The following ASIC2 variants were observed in gnomAD, a reference collection of about 807,000 sequenced individuals.
ASIC2 encodes acid-sensing ion channel 2.
A neutral mutation model predicts 57.3 loss-of-function variants in ASIC2; 25 were observed. That is an observed-to-expected ratio of 0.44 (90% CI 0.32 to 0.61). The LOEUF (loss-of-function observed/expected upper bound fraction) is 0.61. Among genes scored for constraint, ASIC2 ranks in the 20% least tolerant of loss-of-function variants. ASIC2 has a pLI of 0.06. For synonymous variants in ASIC2, 319 were observed against 307.5 expected (o/e 1.04, Z -0.39); for missense variants, 641 against 738.1 (o/e 0.87, Z 1.52).
rs188652616 is a variant in ASIC2 at position 33,813,000 on chromosome 17, T to A, written c.555+342978A>T. On this transcript the variant is annotated intron_variant, in intron 1 of 9. Coordinates refer to the ASIC2 transcript ENST00000359872. ...GTCCATTTTTTGGCTCAGGGTGAGC[T>A]GCTGATATCCTCATCTGGTGCCAGG... Among the ~76,000 whole-genome samples the A allele has an allele frequency of 5.2e-3, 786 of 152,278 alleles. 1 individual carries two copies. Among genetic ancestry groups the A allele is most frequent in the Non-Finnish European group, 7.9e-3 (537 of 68,008 alleles).
rs1025249235 is a variant in ASIC2, at chr17:33,562,541, G to T, written c.556-450474C>A. 2.0e-5 allele frequency among the ~76,000 whole-genome samples: 3 copies of T among 152,280 alleles called. No individual in the cohort carries two copies. In the South Asian group the frequency reaches 6.2e-4, roughly 32 times the overall value. ...CAGTGTAGGACGTGACATGCTACCT[G>T]TCCTGGAGGGCCACCACCAGGAGAG... is the stretch of plus-strand genomic sequence containing the variant. On this transcript the variant is annotated intron_variant, in intron 1 of 9. Transcript: ENST00000359872.
At chr17:33,593,775 A>T (rs552316472) in intron 1 of ASIC2, among the ~76,000 whole-genome samples, 1 of 152,352 alleles carries the variant, frequency 6.6e-6, no homozygotes, top group African/African-American at 2.4e-5. Context: ...AGTGAGAAAG[A>T]ACAAGCCTCA....
chr17:33,715,077 A>G (rs551134469), intron 1 of ASIC2, among the ~76,000 whole-genome samples: 2 of 151,552 alleles, frequency 1.3e-5, no homozygotes, highest in Admixed American at 1.3e-4. Flanking sequence ...ACAGCTCACT[A>G]CAACCTCAAA....
At chr17:33,182,295 AC>A (rs1349078033) in intron 1 of ASIC2, among the ~76,000 whole-genome samples, 1 of 152,076 alleles carries the variant, frequency 6.6e-6, no homozygotes, top group Non-Finnish European at 1.5e-5. Context: ...AAAATTTTTG[AC>A]CTGAGCACCT....
intron 1 of ASIC2, among the ~76,000 whole-genome samples, chr17:34,073,650 TCCTAGAAA>T (rs1909511903): frequency 6.6e-6 from 1 of 152,216 alleles, no homozygotes; most frequent in Non-Finnish European, 1.5e-5. Flanking sequence ...TGGGAAGGAA[TCCTAGAAA>T]CCTAGAAAGA....
intron 1 of ASIC2, among the ~76,000 whole-genome samples, chr17:33,180,353 G>T (rs1000459091): frequency 6.6e-6 from 1 of 152,186 alleles, no homozygotes; most frequent in Non-Finnish European, 1.5e-5. Flanking sequence ...TCTGAATTAG[G>T]GTAACCAGAC....
intron 1 of ASIC2, among the ~76,000 whole-genome samples, chr17:33,433,588 T>C (rs1317756959): frequency 2.0e-5 from 3 of 152,022 alleles, no homozygotes; most frequent in Non-Finnish European, 4.4e-5. Flanking sequence ...AAACCCCGTC[T>C]AAAATACAAA....
At chr17:33,332,251 G>A (rs112187998) in intron 1 of ASIC2, among the ~76,000 whole-genome samples, 58 of 152,256 alleles carry the variant, frequency 3.8e-4, no homozygotes, top group African/African-American at 1.4e-3. Context: ...GAAATACAAT[G>A]TGAGACACAC....
At chr17:33,192,188 CT>C (rs1906446991) in intron 1 of ASIC2, among the ~76,000 whole-genome samples, 1 of 152,096 alleles carries the variant, frequency 6.6e-6, no homozygotes, top group Admixed American at 6.6e-5. Flanking sequence ...CAAGACCAGC[CT>C]GGTCAACATG....
chr17:33,326,446 C>T (rs1194978995), intron 1 of ASIC2, among the ~76,000 whole-genome samples: 2 of 152,184 alleles, frequency 1.3e-5, no homozygotes, highest in African/African-American at 4.8e-5. Flanking sequence ...ATTTATTTAA[C>T]CTCTCTGAGC....
chr17:33,887,646 A>C (rs1437929667), intron 1 of ASIC2, among the ~76,000 whole-genome samples: 1 of 152,048 alleles, frequency 6.6e-6, no homozygotes, highest in Non-Finnish European at 1.5e-5. Context: ...AGAAGATTTA[A>C]GTGTTGGTGC....
chr17:33,284,853 T>C (rs1905084465), intron 1 of ASIC2, among the ~76,000 whole-genome samples: 2 of 152,192 alleles, frequency 1.3e-5, no homozygotes, highest in Non-Finnish European at 1.5e-5. Flanking sequence ...CTAGGCTGTT[T>C]CATTCCAGCC....
chr17:33,426,450 C>G (rs962948650), intron 1 of ASIC2, among the ~76,000 whole-genome samples: 2 of 152,210 alleles, frequency 1.3e-5, no homozygotes, highest in African/African-American at 4.8e-5. Context: ...TCTTGACCAC[C>G]ACAAAACTTT....
At chr17:34,046,434 T>G (rs967535314) in intron 1 of ASIC2, among the ~76,000 whole-genome samples, 2 of 152,160 alleles carry the variant, frequency 1.3e-5, no homozygotes, top group Admixed American at 1.3e-4. Flanking sequence ...CATTGAAAAT[T>G]TATTTGTTAA....
At chr17:33,826,948 C>G (rs1015877717) in intron 1 of ASIC2, among the ~76,000 whole-genome samples, 9 of 152,034 alleles carry the variant, frequency 5.9e-5, no homozygotes, top group East Asian at 5.8e-4. Flanking sequence ...AATGGAGAAA[C>G]CTTTATGTAT....
chr17:34,066,731 T>G (rs997020414), intron 1 of ASIC2, among the ~76,000 whole-genome samples: 2 of 152,176 alleles, frequency 1.3e-5, no homozygotes, highest in African/African-American at 4.8e-5. Context: ...TTGTATCCAG[T>G]GTTTTTGAAT....
At chr17:33,550,111 A>G (rs1004557248) in intron 1 of ASIC2, among the ~76,000 whole-genome samples, 1 of 142,260 alleles carries the variant, frequency 7.0e-6, no homozygotes, top group East Asian at 2.0e-4. Flanking sequence ...CAGGCCCTCC[A>G]TGAGGTCCAG....
intron 1 of ASIC2, among the ~76,000 whole-genome samples, chr17:33,601,190 C>T (rs1167202010): frequency 6.6e-6 from 1 of 152,146 alleles, no homozygotes; most frequent in Non-Finnish European, 1.5e-5. Context: ...GGAAAGCAAA[C>T]TAGGGTGTAT....
intron 1 of ASIC2, among the ~76,000 whole-genome samples, chr17:33,871,065 T>C (rs1264974040): frequency 1.3e-5 from 2 of 152,182 alleles, no homozygotes; most frequent in African/African-American, 4.8e-5. Context: ...AGATGTGAGA[T>C]GCCATGATCA....
Sources: gnomAD v4.1 joint callset for allele counts (sites outside exome capture counted in the v4.1 genomes callset) on GRCh38, gnomAD v4.1.1 for gene constraint, MANE v1.5 for transcripts, NCBI Gene and HGNC (gene_info 2026-07-23, HGNC 2026-07-21) for gene names.